The following PDSS2 variants were observed in gnomAD, a reference collection of about 807,000 sequenced individuals.
The protein encoded by PDSS2 is decaprenyl diphosphate synthase subunit 2, also known as all trans-polyprenyl-diphosphate synthase PDSS2.
Under a neutral mutation model 44.5 loss-of-function variants are expected in PDSS2, and 31 were observed. The observed-to-expected ratio is 0.70, with a 90% CI of 0.52 to 0.94. PDSS2 has a LOEUF of 0.94. Among genes scored for constraint, PDSS2 ranks in the 40% least tolerant of loss-of-function variants. The pLI, the probability that PDSS2 is intolerant of heterozygous loss-of-function variation, is 0.00. For synonymous variants in PDSS2, 157 were observed against 180.3 expected (o/e 0.87, Z 1.03); for missense variants, 452 against 482.2 (o/e 0.94, Z 0.59).
At chr6:107,202,310 A>G (rs1772810067) in intron 6 of PDSS2, among the ~76,000 whole-genome samples, 1 of 152,126 alleles carries the variant, frequency 6.6e-6, no homozygotes, top group Non-Finnish European at 1.5e-5. Flanking sequence ...AAGTGCTGGG[A>G]TTACAGGCAT....
At chr6:107,406,033 T>C (rs1562519102) in intron 1 of PDSS2, among the ~76,000 whole-genome samples, 3 of 152,176 alleles carry the variant, frequency 2.0e-5, no homozygotes, top group Non-Finnish European at 4.4e-5. Flanking sequence ...ACTGTACTTG[T>C]ACCTCCTATA....
In PDSS2 at chr6:107,311,428, G is replaced by C. The variant is rs1311335647; in HGVS notation, c.431+22770C>G. Among the ~76,000 whole-genome samples the C allele has an allele frequency of 2.0e-5, 3 of 151,842 alleles. No homozygotes were observed. The South Asian group carries it at 6.3e-4, about 32-fold the overall frequency. On this transcript the variant is annotated intron_variant, in intron 2 of 7. Coordinates refer to ENST00000369037, the MANE Select transcript of PDSS2 (RefSeq NM_020381.4). The stretch of plus-strand genomic sequence containing the variant: ...TCATTATGTTGCCCAGGCTAGTCTT[G>C]AACTCCTGGGCTCAAGTGCTCCTCC...
intron 6 of PDSS2, among the ~76,000 whole-genome samples, chr6:107,202,456 T>A (rs1772817934): frequency 6.6e-6 from 1 of 151,154 alleles, no homozygotes; most frequent in South Asian, 2.1e-4. Context: ...GAAAGAAGGG[T>A]CACAAATCAG....
intron 2 of PDSS2, among the ~76,000 whole-genome samples, chr6:107,284,657 G>C (rs1243938582): frequency 9.8e-6 from 1 of 102,492 alleles, no homozygotes; most frequent in Non-Finnish European, 2.1e-5. Context: ...GAAAGACTTC[G>C]TCTCCAAAAA....
At chr6:107,335,085 G>C (rs974360470) in intron 1 of PDSS2, among the ~76,000 whole-genome samples, 55 of 151,680 alleles carry the variant, frequency 3.6e-4, no homozygotes, top group African/African-American at 1.2e-3. Flanking sequence ...CCAGGGTTGG[G>C]GGGGTGCTGA....
intron 7 of PDSS2, among the ~76,000 whole-genome samples, chr6:107,170,142 G>A (rs564700124): frequency 1.6e-4 from 24 of 152,250 alleles, no homozygotes; most frequent in South Asian, 6.2e-4. Flanking sequence ...GGAGCTTCCC[G>A]CTGCTTTGTT....
intron 4 of PDSS2, among the ~76,000 whole-genome samples, chr6:107,225,160 T>TTC (rs1773767350): frequency 2.2e-5 from 1 of 45,550 alleles, no homozygotes; most frequent in African/African-American, 1.9e-4. Flanking sequence ...TATATATATA[T>TTC]ATTTTTTTTT....
intron 1 of PDSS2, among the ~76,000 whole-genome samples, chr6:107,435,949 G>GAAAA (rs11458153): frequency 6.6e-6 from 1 of 150,884 alleles, no homozygotes; most frequent in African/African-American, 2.4e-5. Flanking sequence ...CAAAAATTGC[G>GAAAA]AAAAAAAAAT....
chr6:107,213,129 C>G (rs979182675), intron 4 of PDSS2, among the ~76,000 whole-genome samples: 6 of 152,064 alleles, frequency 3.9e-5, no homozygotes, highest in Middle Eastern at 3.4e-3. Context: ...TCCATCTCAG[C>G]CTCCCAAGTA....
At chr6:107,241,245 T>TTA (rs1774414078) in intron 4 of PDSS2, among the ~76,000 whole-genome samples, 3 of 98,100 alleles carry the variant, frequency 3.1e-5, no homozygotes, top group South Asian at 3.6e-4. Context: ...CGAGACTCGG[T>TTA]AAAAAAAAAA....
At chr6:107,289,935 T>A (rs1030967357) in intron 2 of PDSS2, among the ~76,000 whole-genome samples, 1 of 152,118 alleles carries the variant, frequency 6.6e-6, no homozygotes, top group African/African-American at 2.4e-5. Context: ...TGCACACCAC[T>A]AAGCCTGGCT....
intron 2 of PDSS2, among the ~76,000 whole-genome samples, chr6:107,308,016 G>A (rs117921666): frequency 0.014 from 2,186 of 152,240 alleles, 51 homozygotes; most frequent in Admixed American, 0.047. Flanking sequence ...CTTCCTGATA[G>A]TTGATAATAC....
intron 7 of PDSS2, among the ~76,000 whole-genome samples, chr6:107,161,185 A>C (rs1430825002): frequency 6.6e-6 from 1 of 151,804 alleles, no homozygotes; most frequent in Non-Finnish European, 1.5e-5. Flanking sequence ...TAGGCTAAGA[A>C]ATTTGTACTT....
chr6:107,252,075 G>A (rs1582848201), intron 3 of PDSS2, among the ~76,000 whole-genome samples: 2 of 152,114 alleles, frequency 1.3e-5, no homozygotes, highest in East Asian at 1.9e-4. Context: ...GTGGAGAAAC[G>A]ACTTCTGAAG....
chr6:107,232,890 A>G (rs1262318683), intron 4 of PDSS2, among the ~76,000 whole-genome samples: 8 of 151,172 alleles, frequency 5.3e-5, no homozygotes, highest in Non-Finnish European at 1.5e-5. Flanking sequence ...CCCAGGCTGG[A>G]GTGCAGTGGC....
At position 107,332,537 on chromosome 6, in the gene PDSS2, A is replaced by G. The variant is rs1434576829; in HGVS notation, c.431+1661T>C. On this transcript the variant is annotated intron_variant, in intron 2 of 7. Transcript: ENST00000369037. ...CTTACAAGATGACTTTTTTTAACAT[A>G]CTAATTTAATGCTAGTCTGATCTAT... Among the ~76,000 whole-genome samples, 4 of 152,150 alleles carry G rather than the reference A, an allele frequency of 2.6e-5. No individual in the cohort carries two copies. In the South Asian group the frequency reaches 8.3e-4, roughly 32 times the overall value.
At chr6:107,161,352 C>T (rs572887873) in intron 7 of PDSS2, among the ~76,000 whole-genome samples, 58 of 152,034 alleles carry the variant, frequency 3.8e-4, no homozygotes, top group Admixed American at 3.5e-3. Context: ...TGGTGCCGGG[C>T]GCCTGTAGTC....
At chr6:107,189,445 C>A (rs1772291045) in intron 7 of PDSS2, among the ~76,000 whole-genome samples, 2 of 152,154 alleles carry the variant, frequency 1.3e-5, no homozygotes, top group South Asian at 4.1e-4. Flanking sequence ...TCAAGCAATT[C>A]TCCTGCCTCA....
At chr6:107,435,754 C>T (rs1005630292) in intron 1 of PDSS2, among the ~76,000 whole-genome samples, 22 of 152,148 alleles carry the variant, frequency 1.4e-4, no homozygotes, top group African/African-American at 5.1e-4. Flanking sequence ...AAATTCAAAA[C>T]ATGACTGCTA....
Sources: gnomAD v4.1 joint callset for allele counts (sites outside exome capture counted in the v4.1 genomes callset) on GRCh38, gnomAD v4.1.1 for gene constraint, MANE v1.5 for transcripts, NCBI Gene and HGNC (gene_info 2026-07-23, HGNC 2026-07-21) for gene names.